The following MARCHF1 variants were observed in gnomAD, a reference collection of about 807,000 sequenced individuals.
MARCHF1 encodes the protein membrane associated ring-CH-type finger 1.
MARCHF1 carries 40 observed loss-of-function variants against 54.2 expected under a neutral mutation model. That is an observed-to-expected ratio of 0.74 (90% CI 0.57 to 0.96). MARCHF1 has a LOEUF of 0.96. Among genes scored for constraint, MARCHF1 ranks in the 40% least tolerant of loss-of-function variants. MARCHF1 has a pLI of 0.00. For synonymous variants in MARCHF1, 236 were observed against 236.3 expected, an observed-to-expected ratio of 1.00 and a Z score of 0.01; for missense variants, 586 against 656.5, an observed-to-expected ratio of 0.89 and a Z score of 1.17.
At chr4:164,169,464 A>G (rs1730468152) in intron 1 of MARCHF1, among the ~76,000 whole-genome samples, 1 of 152,028 alleles carries the variant, frequency 6.6e-6, no homozygotes, top group Non-Finnish European at 1.5e-5. Context: ...CACTTATATA[A>G]TCAAGTTATC....
chr4:164,363,591 G>A (rs1043225156), intron 1 of MARCHF1, among the ~76,000 whole-genome samples: 11 of 152,002 alleles, frequency 7.2e-5, no homozygotes, highest in African/African-American at 2.7e-4. Flanking sequence ...GGTAGCTCCT[G>A]GCCATAAATT....
intron 5 of MARCHF1, among the ~76,000 whole-genome samples, chr4:163,637,231 C>A (rs1174642415): frequency 2.6e-5 from 4 of 152,082 alleles, no homozygotes; most frequent in South Asian, 4.1e-4. Flanking sequence ...GCAACAAAAG[C>A]CAAAATTGAC....
chr4:164,351,044 G>A (rs1160707220), intron 1 of MARCHF1, among the ~76,000 whole-genome samples: 2 of 152,154 alleles, frequency 1.3e-5, no homozygotes, highest in Admixed American at 1.3e-4. Context: ...CGAATACTGC[G>A]CTTTTCAGAC....
intron 1 of MARCHF1, among the ~76,000 whole-genome samples, chr4:164,340,783 C>T (rs1340909915): frequency 6.6e-6 from 1 of 151,846 alleles, no homozygotes; most frequent in Non-Finnish European, 1.5e-5. Context: ...GCCTCAAACT[C>T]CTGGGCTCAA....
chr4:163,591,136 A>G (rs925731404), intron 7 of MARCHF1, among the ~76,000 whole-genome samples: 1 of 151,842 alleles, frequency 6.6e-6, no homozygotes, highest in Non-Finnish European at 1.5e-5. Context: ...TATGACCACT[A>G]TTGTCCCATT....
intron 1 of MARCHF1, among the ~76,000 whole-genome samples, chr4:164,322,891 A>C (rs865839457): frequency 3.9e-5 from 6 of 151,978 alleles, no homozygotes; most frequent in South Asian, 2.1e-4. Context: ...TCATGTCCAT[A>C]AACTTGAAGA....
chr4:163,865,049 G>A lies in MARCHF1; in HGVS notation c.-38-10880C>T, dbSNP rs116374268. Among the ~76,000 whole-genome samples the A allele has an allele frequency of 2.2e-3, 328 of 151,864 alleles. 1 individual carries two copies. The highest frequency in any genetic ancestry group is 7.6e-3 in the African/African-American group (315 of 41,476). ...TTAAAATAAGCCAGGTTCCACTCCCGTCTCTCTTTAAATAAGGGAATTTGG... is the reference window on the plus strand; with the variant it reads ...TTAAAATAAGCCAGGTTCCACTCCCATCTCTCTTTAAATAAGGGAATTTGG... On this transcript the variant is annotated intron_variant, in intron 3 of 9. Transcript: ENST00000514618.
chr4:163,567,376 G>A (rs1739679070), intron 8 of MARCHF1, among the ~76,000 whole-genome samples: 1 of 152,154 alleles, frequency 6.6e-6, no homozygotes, highest in Non-Finnish European at 1.5e-5. Flanking sequence ...ACGCAGTCCT[G>A]CACTGGCTGT....
At chr4:163,888,835 T>A (rs1002530260) in intron 3 of MARCHF1, among the ~76,000 whole-genome samples, 2 of 152,134 alleles carry the variant, frequency 1.3e-5, no homozygotes, top group African/African-American at 4.8e-5. Flanking sequence ...GTCCCTATCA[T>A]CTTGTGTGCA....
chr4:164,211,393 C>T (rs1731770952), intron 1 of MARCHF1, among the ~76,000 whole-genome samples: 2 of 148,376 alleles, frequency 1.3e-5, no homozygotes, highest in South Asian at 4.2e-4. Flanking sequence ...TATATACACA[C>T]ACACATATAT....
chr4:164,045,905 C>A (rs1338063680), intron 2 of MARCHF1, among the ~76,000 whole-genome samples: 2 of 152,116 alleles, frequency 1.3e-5, no homozygotes, highest in Non-Finnish European at 2.9e-5. Context: ...TGTGGAAGAT[C>A]TGAGATTTTA....
intron 4 of MARCHF1, among the ~76,000 whole-genome samples, chr4:163,711,595 T>G (rs1745106779): frequency 1.3e-5 from 2 of 152,256 alleles, no homozygotes; most frequent in South Asian, 2.1e-4. Context: ...AATTATCCCT[T>G]CCTTGAAGGA....
chr4:163,728,737 T>G (rs1274708529), intron 4 of MARCHF1, among the ~76,000 whole-genome samples: 3 of 152,242 alleles, frequency 2.0e-5, no homozygotes, highest in Non-Finnish European at 2.9e-5. Context: ...ACAATCATAT[T>G]TCATGAACAA....
intron 1 of MARCHF1, among the ~76,000 whole-genome samples, chr4:164,317,302 C>T (rs560759332): frequency 4.1e-4 from 62 of 152,132 alleles, no homozygotes; most frequent in African/African-American, 1.3e-3. Flanking sequence ...CTAAAATAAC[C>T]GTTGCTTAAA....
At chr4:163,634,813 C>T (rs1266991607) in intron 5 of MARCHF1, among the ~76,000 whole-genome samples, 1 of 141,948 alleles carries the variant, frequency 7.0e-6, no homozygotes, top group Non-Finnish European at 1.5e-5. Flanking sequence ...AGCACCACAC[C>T]ACACCTATTC....
At chr4:163,717,163 C>G (rs1183174946) in intron 4 of MARCHF1, among the ~76,000 whole-genome samples, 4 of 122,194 alleles carry the variant, frequency 3.3e-5, no homozygotes. Context: ...CACCCCATAA[C>G]AGGCCCCAGT....
chr4:164,183,761 C>A (rs2111022402), intron 1 of MARCHF1, among the ~76,000 whole-genome samples: 1 of 152,180 alleles, frequency 6.6e-6, no homozygotes. Flanking sequence ...CCAACCATAA[C>A]CCGGATTCAA....
rs189985224 is a variant in MARCHF1 at position 164,010,621 on chromosome 4, A to G, written c.-247-21912T>C. Among the ~76,000 whole-genome samples, 375 of 152,266 alleles carry G rather than the reference A, an allele frequency of 2.5e-3. 3 individuals carry two copies. The highest frequency in any genetic ancestry group is 8.5e-3 in the African/African-American group (355 of 41,550). ...AACATTAATGAAAGAAACTTAAGACACAAAAATATGAAAAGATATTTCATG... is the reference window on the plus strand; with the variant it reads ...AACATTAATGAAAGAAACTTAAGACGCAAAAATATGAAAAGATATTTCATG... On this transcript the variant is annotated intron_variant, in intron 2 of 9. Coordinates refer to ENST00000514618, the MANE Select transcript of MARCHF1 (RefSeq NM_001394959.1).
chr4:163,611,543 T>C (rs1377589018), intron 7 of MARCHF1, among the ~76,000 whole-genome samples: 1 of 152,170 alleles, frequency 6.6e-6, no homozygotes, highest in Non-Finnish European at 1.5e-5. Context: ...ATTTTTTTGT[T>C]TGAAATTGTC....
Sources: gnomAD v4.1 joint callset for allele counts (sites outside exome capture counted in the v4.1 genomes callset) on GRCh38, gnomAD v4.1.1 for gene constraint, MANE v1.5 for transcripts, NCBI Gene and HGNC (gene_info 2026-07-23, HGNC 2026-07-21) for gene names.